TNNI3: variants seen among roughly 807,000 people sequenced by gnomAD.
The protein encoded by TNNI3 is troponin I, cardiac muscle.
A neutral mutation model predicts 31.5 loss-of-function variants in TNNI3; 23 were observed. That is an observed-to-expected ratio of 0.73 (90% CI 0.52 to 1.03). The LOEUF (loss-of-function observed/expected upper bound fraction) is 1.03. Ranked by LOEUF, TNNI3 falls within the 50% of genes least tolerant of loss-of-function variation. TNNI3 has a pLI of 0.00. For synonymous variants in TNNI3, 120 were observed against 111.7 expected, an observed-to-expected ratio of 1.07 and a Z score of -0.47; for missense variants, 236 against 282.9, an observed-to-expected ratio of 0.83 and a Z score of 1.19.
At position 55,154,255 on chromosome 19, in the gene TNNI3, C is replaced by T; in HGVS notation, c.373-49G>A. On this transcript the variant is annotated intron_variant, in intron 6 of 7. Coordinates refer to ENST00000344887, the MANE Select transcript of TNNI3 (RefSeq NM_000363.5). ...TACTTCTCCTTCCATTTCCCGCACA[C>T]CCAACTCCTCCATCCTACACTCCTT... 3.8e-6 allele frequency: 6 copies of T among 1,572,042 alleles called. No individual in the cohort carries two copies. In the South Asian group the frequency reaches 6.7e-5, roughly 17 times the overall value.
In TNNI3 at chr19:55,157,362, C is replaced by T. The variant is rs2147286371; in HGVS notation, c.12-54G>A. ...TTAGTGGTGGGCTGTGTCCTGTCTC[C>T]TAAGGGACCCCTGGAGTCCCCTCTG... On this transcript the variant is annotated intron_variant, in intron 1 of 7. Transcript: ENST00000344887. This position sits in a 1 kb window ranked among gnomAD's most constrained non-coding sequence, Gnocchi z 6.3. 6.2e-7 allele frequency: 1 copy of T among 1,600,136 alleles called. No individual in the cohort carries two copies. The highest frequency in any genetic ancestry group is 2.3e-5 in the East Asian group (1 of 44,190).
chr19:55,156,998 G>C lies in TNNI3; in HGVS notation c.108+52C>G. ...CCTGGCTCCTCCCCCCACTCCCAGG[G>C]TCTTGGATCCCTCCGGCGCCTGTAC... On this transcript the variant is annotated intron_variant, in intron 3 of 7. Transcript: ENST00000344887. This position sits in a 1 kb window ranked among gnomAD's most constrained non-coding sequence, Gnocchi z 4.6. The C allele has an allele frequency of 6.5e-7, 1 of 1,537,688 alleles. No individual in the cohort carries two copies. The highest frequency in any genetic ancestry group is 8.8e-7 in the Non-Finnish European group (1 of 1,141,504).
chr19:55,156,257 G>C lies in TNNI3; in HGVS notation c.226C>G (p.Leu76Val). The C allele has an allele frequency of 6.2e-7, 1 of 1,612,198 alleles. No homozygotes were observed. The highest frequency in any genetic ancestry group is 1.1e-5 in the South Asian group (1 of 91,030). ...TCCAGCGGCTGGCAGCGGGTGCTCA[G>C]AGCGCGCCCCTTCTCTCCGCGCCGC... ...EERRGEKGRA[L>V]STRCQPLELA... The change falls in exon 5 of 8, where the codon CTG (leucine) becomes GTG (valine). Residue 76 changes from leucine to valine, a missense_variant. By Grantham distance (32) the Leu-to-Val change is conservative. Around this residue, in one of 4 missense-constraint regions of TNNI3, gnomAD observed 172 missense variants for 171.8 expected, o/e 1.00. Coordinates refer to ENST00000344887, the MANE Select transcript of TNNI3 (RefSeq NM_000363.5). This position sits in a 1 kb window ranked among gnomAD's most constrained non-coding sequence, Gnocchi z 4.6.
Position 55,154,140 on chromosome 19 carries a change from C to G in TNNI3, c.439G>C (p.Val147Leu), listed in dbSNP as rs777782551. 1.3e-5 allele frequency: 21 copies of G among 1,613,466 alleles called. No homozygotes were observed. In the South Asian group the frequency reaches 2.3e-4, roughly 18 times the overall value. ...GKFKRPTLRR[V>L]RISADAMMQA... The stretch of plus-strand genomic sequence containing the variant: ...ATCATGGCATCTGCAGAGATCCTCA[C>G]TCTCCGCAGGGTGGGCCGCTTAAAC... The change falls in exon 7 of 8, where the codon GTG becomes CTG. Residue 147 changes from valine to leucine, a missense_variant. This residue lies in a region of TNNI3 where 34 missense variants were observed against 52.7 expected (regional missense o/e 0.65). Coordinates refer to ENST00000344887, the MANE Select transcript of TNNI3 (RefSeq NM_000363.5).
At chr19:55,153,922 C>T in intron 7 of TNNI3, 108 bp downstream of exon 7, 1 of 1,289,664 alleles carries the variant, frequency 7.8e-7, no homozygotes, top group Non-Finnish European at 1.1e-6. Flanking sequence ...CCCTTACTAG[C>T]TGCTTCTACC....
chr19:55,156,583 C>T lies in TNNI3; in HGVS notation c.150+20G>A. 6.4e-7 allele frequency: 1 copy of T among 1,558,702 alleles called. No individual in the cohort carries two copies. The highest frequency in any genetic ancestry group is 8.7e-7 in the Non-Finnish European group (1 of 1,149,982). ...CCCCTGAGCACCTGCCTGCTCTTTC[C>T]CAGTCCCGCCCGTCCTCACCTTCAG... On this transcript the variant is annotated intron_variant, in intron 4 of 7. Transcript: ENST00000344887. The surrounding 1 kb of genome is among the most constrained non-coding windows in gnomAD (Gnocchi z 4.6).
Position 55,156,491 on chromosome 19 carries a change from C to A in TNNI3, c.150+112G>T. The A allele has an allele frequency of 4.0e-6, 6 of 1,514,352 alleles. No individual in the cohort carries two copies. The highest frequency in any genetic ancestry group is 5.4e-6 in the Non-Finnish European group (6 of 1,117,992). The allele number at this position is 1,514,352 out of a possible 1,614,324, so 93.8% of individuals were successfully genotyped here. A position where few individuals can be genotyped will look rare whatever the true frequency, so the allele number is the denominator to read the frequency against. ...AGTACTCCCCGCTAAAGCCACGCCC[C>A]GAGCGGCCAAACCCCGCCCACTTCC... On this transcript the variant is annotated intron_variant, in intron 4 of 7. Coordinates refer to ENST00000344887, the MANE Select transcript of TNNI3 (RefSeq NM_000363.5). This position sits in a 1 kb window ranked among gnomAD's most constrained non-coding sequence, Gnocchi z 4.6.
Position 55,157,464 on chromosome 19 carries a change from A to T in TNNI3, c.11+115T>A. The T allele has an allele frequency of 6.4e-7, 1 of 1,574,284 alleles. No individual in the cohort carries two copies. On this transcript the variant is annotated intron_variant, in intron 1 of 7. Coordinates refer to ENST00000344887, the MANE Select transcript of TNNI3 (RefSeq NM_000363.5). This position sits in a 1 kb window ranked among gnomAD's most constrained non-coding sequence, Gnocchi z 6.3. ...ACTCGCAAACCCACTTCCTCTCTTCACCCAAGAGTCCCTACGCCTACCTCG... is the reference window on the plus strand; with the variant it reads ...ACTCGCAAACCCACTTCCTCTCTTCTCCCAAGAGTCCCTACGCCTACCTCG...
At chr19:55,154,555 C>T (rs1055520246) in intron 6 of TNNI3, 186 bp downstream of exon 6, 1 of 682,744 alleles carries the variant, frequency 1.5e-6, no homozygotes, top group Non-Finnish European at 2.7e-6. Context: ...GTGCTGTTCC[C>T]TCTGCCTAGA....
intron 5 of TNNI3, among the ~76,000 whole-genome samples, chr19:55,155,185 T>G (rs561710437): frequency 4.7e-5 from 1 of 21,440 alleles, no homozygotes; most frequent in Non-Finnish European, 7.7e-5. Flanking sequence ...GGCCTGGACT[T>G]CAGGGTCTGA....
At position 55,157,257 on chromosome 19, in the gene TNNI3, C is replaced by T; in HGVS notation, c.24+39G>A. On this transcript the variant is annotated intron_variant, in intron 2 of 7. Coordinates refer to ENST00000344887, the MANE Select transcript of TNNI3 (RefSeq NM_000363.5). The surrounding 1 kb of genome is among the most constrained non-coding windows in gnomAD (Gnocchi z 6.3). The stretch of plus-strand genomic sequence containing the variant: ...CCCTCACTGCAGCGCCCACCCTGGC[C>T]CTGGGGGTCCCAGCCACGCCTTAGC... 1 of 1,610,622 alleles carries T rather than the reference C, an allele frequency of 6.2e-7. No individual in the cohort carries two copies. Among genetic ancestry groups the T allele is most frequent in the South Asian group, 1.1e-5 (1 of 90,534 alleles).
At position 55,151,835 on chromosome 19, in the gene TNNI3, C is replaced by A. The variant is rs730881084; in HGVS notation, c.632G>T (p.Ter211LeuextTer20). 9 of 1,613,904 alleles carry A rather than the reference C, an allele frequency of 5.6e-6. No homozygotes were observed. Among genetic ancestry groups the A allele is most frequent in the African/African-American group, 1.3e-5 (1 of 74,938 alleles). The change falls in exon 8 of 8, where the codon TGA becomes TTA. Residue 211 changes from the stop codon to leucine, a stop_lost. Transcript: ENST00000344887. ...GGCAGGGGCAGTAGGCAGGAAGGCT[C>A]AGCTCTCAAACTTTTTCTTGCGGCC... ...MEGRKKKFES[*>L]
intron 7 of TNNI3, 117 bp downstream of exon 7, chr19:55,153,913 C>T: frequency 2.7e-6 from 3 of 1,111,112 alleles, no homozygotes; most frequent in Non-Finnish European, 4.0e-6. Flanking sequence ...TCTGAGGACC[C>T]CTTACTAGCT....
chr19:55,157,702 TC>T lies in TNNI3; in HGVS notation c.-114del. 1 of 1,292,414 alleles carries T rather than the reference TC, an allele frequency of 7.7e-7. No homozygotes were observed. The highest frequency in any genetic ancestry group is 1.1e-6 in the Non-Finnish European group (1 of 900,322). 80.1% of individuals were successfully genotyped at this position (1,292,414 alleles called of 1,614,324 possible). A position where few individuals can be genotyped will look rare whatever the true frequency, so the allele number is the denominator to read the frequency against. On this transcript the variant is annotated 5_prime_UTR_variant, in exon 1 of 8. Coordinates refer to ENST00000344887, the MANE Select transcript of TNNI3 (RefSeq NM_000363.5). This position sits in a 1 kb window ranked among gnomAD's most constrained non-coding sequence, Gnocchi z 6.3. ...AGGGTCCCAGGGACCGTCAGTCTCC[TC>T]CGGGCTGCTTGAGACTCCCCGAGGA... is the stretch of plus-strand genomic sequence containing the variant.
In TNNI3 at chr19:55,157,393, G is replaced by C. The variant is rs2085742057; in HGVS notation, c.12-85C>G. 6.2e-7 allele frequency: 1 copy of C among 1,606,382 alleles called. No homozygotes were observed. The highest frequency in any genetic ancestry group is 8.5e-7 in the Non-Finnish European group (1 of 1,174,858). The stretch of plus-strand genomic sequence containing the variant: ...GACCCCTGGAGTCCCCTCTGAACAA[G>C]AGGTCGGGGGACCGCGCTTCCCCTT... On this transcript the variant is annotated intron_variant, in intron 1 of 7. Coordinates refer to ENST00000344887, the MANE Select transcript of TNNI3 (RefSeq NM_000363.5). The surrounding 1 kb of genome is among the most constrained non-coding windows in gnomAD (Gnocchi z 6.3).
At chr19:55,155,460 T>TG (rs1414637813) in intron 5 of TNNI3, among the ~76,000 whole-genome samples, 1 of 56,646 alleles carries the variant, frequency 1.8e-5, no homozygotes, top group African/African-American at 8.5e-5. Context: ...GAGGAGGGGC[T>TG]GGGGCCTGGA....
chr19:55,151,772 G>A lies in TNNI3; in HGVS notation c.*62C>T, dbSNP rs2085695726. The A allele has an allele frequency of 6.6e-7, 1 of 1,524,122 alleles. No homozygotes were observed. Among genetic ancestry groups the A allele is most frequent in the Non-Finnish European group, 9.1e-7 (1 of 1,099,136 alleles). The allele number at this position is 1,524,122 out of a possible 1,614,324, so 94.4% of individuals were successfully genotyped here. A position where few individuals can be genotyped will look rare whatever the true frequency, so the allele number is the denominator to read the frequency against. On this transcript the variant is annotated 3_prime_UTR_variant, in exon 8 of 8. Transcript: ENST00000344887. ...GGTAATAGACATGGAGTCACTTTCAGCTCAGAGAGAAGCTTTATTCCTCAG... is the reference window on the plus strand; with the variant it reads ...GGTAATAGACATGGAGTCACTTTCAACTCAGAGAGAAGCTTTATTCCTCAG...
At position 55,157,338 on chromosome 19, in the gene TNNI3, T is replaced by G. The variant is rs2085741378; in HGVS notation, c.12-30A>C. 1 of 1,599,990 alleles carries G rather than the reference T, an allele frequency of 6.3e-7. No homozygotes were observed. Among genetic ancestry groups the G allele is most frequent in the East Asian group, 2.3e-5 (1 of 44,280 alleles). ...AAGGAGAGAAACCAAGGAGGGGGGTTAGTGGTGGGCTGTGTCCTGTCTCCT... is the reference window on the plus strand; with the variant it reads ...AAGGAGAGAAACCAAGGAGGGGGGTGAGTGGTGGGCTGTGTCCTGTCTCCT... On this transcript the variant is annotated intron_variant, in intron 1 of 7. Coordinates refer to ENST00000344887, the MANE Select transcript of TNNI3 (RefSeq NM_000363.5). The surrounding 1 kb of genome is among the most constrained non-coding windows in gnomAD (Gnocchi z 6.3).
chr19:55,154,057 C>T lies in TNNI3; in HGVS notation c.522G>A (p.Lys174=), dbSNP rs730880231. 1.6e-5 allele frequency: 26 copies of T among 1,612,558 alleles called. No homozygotes were observed. Among genetic ancestry groups the T allele is most frequent in the Non-Finnish European group, 2.1e-5 (25 of 1,179,956 alleles). Residue 174 remains lysine, a synonymous_variant, in exon 7 of 8, where the codon AAG becomes AAA. Transcript: ENST00000344887. ...KESLDLRAHL[K]QVKKEDTEKE... ...TCTCGGTGTCCTCCTTCTTCACCTG[C>T]TTGAGGTGGGCCCGCAGGTCCAGGG...
Sources: gnomAD v4.1 joint callset for allele counts (sites outside exome capture counted in the v4.1 genomes callset) on GRCh38, gnomAD v4.1.1 for gene constraint, gnomAD v4.1.1 regional missense constraint, Gnocchi (gnomAD v3.1) non-coding constraint, MANE v1.5 for transcripts, NCBI Gene and HGNC (gene_info 2026-07-23, HGNC 2026-07-21) for gene names.